The following KANSL3 variants were observed in gnomAD, a reference collection of about 807,000 sequenced individuals.
The protein encoded by KANSL3 is KAT8 regulatory NSL complex subunit 3.
In KANSL3, 16 loss-of-function variants were observed where a neutral mutation model predicts 89.2. The observed-to-expected ratio is 0.18, with a 90% CI of 0.12 to 0.27. The LOEUF is 0.27. Among genes scored for constraint, KANSL3 ranks in the 10% least tolerant of loss-of-function variants. The pLI is 1.00. For missense variants in KANSL3, 879 were observed against 1,110.6 expected (o/e 0.79, Z 2.96); for synonymous variants, 385 against 419.7 (o/e 0.92, Z 1.01).
chr2:96,625,945 C>G (rs534650603), intron 3 of KANSL3, among the ~76,000 whole-genome samples: 20 of 152,136 alleles, frequency 1.3e-4, no homozygotes, highest in African/African-American at 4.8e-4. Context: ...CTGTGGTGAG[C>G]CAACTGGCAC....
chr2:96,592,915 A>T (rs1007588394), downstream of KANSL3, among the ~76,000 whole-genome samples: 2 of 152,066 alleles, frequency 1.3e-5, no homozygotes, highest in African/African-American at 4.8e-5. Context: ...AGGCAGGAGA[A>T]TTGCTTGAAC....
intron 3 of KANSL3, among the ~76,000 whole-genome samples, chr2:96,624,426 T>A (rs1486359999): frequency 3.3e-5 from 5 of 152,316 alleles, no homozygotes; most frequent in African/African-American, 1.2e-4. Context: ...TTTGTGGACA[T>A]TTAGGTTGTG....
intron 16 of KANSL3, 43 bp downstream of exon 16, chr2:96,604,736 A>G (rs1432905510): frequency 8.1e-6 from 12 of 1,488,504 alleles, no homozygotes; most frequent in Non-Finnish European, 1.1e-5. Flanking sequence ...AACAGAGGGA[A>G]GGGAAAAAAG....
Position 96,619,253 on chromosome 2 carries a change from T to C in KANSL3, c.663+106A>G, listed in dbSNP as rs1226145336. The C allele has an allele frequency of 6.8e-6, 7 of 1,033,296 alleles. No homozygotes were observed. The South Asian group carries it at 1.2e-4, about 18-fold the overall frequency. 64.0% of individuals were successfully genotyped at this position (1,033,296 alleles called of 1,614,324 possible). A position where few individuals can be genotyped will look rare whatever the true frequency, so the allele number is the denominator to read the frequency against. ...GTACCAAACCCATTAGTTTTGGCCATGCACTCCAGACCGACCAGATAATTA... is the reference window on the plus strand; with the variant it reads ...GTACCAAACCCATTAGTTTTGGCCACGCACTCCAGACCGACCAGATAATTA... On this transcript the variant is annotated intron_variant, in intron 5 of 20. Coordinates refer to ENST00000431828, the MANE Select transcript of KANSL3 (RefSeq NM_001115016.3).
intron 11 of KANSL3, 102 bp from the exon 12 acceptor site, chr2:96,609,664 CAGA>C: frequency 2.7e-6 from 3 of 1,126,344 alleles, no homozygotes; most frequent in Admixed American, 3.4e-5. Context: ...TTTCTAGCCC[CAGA>C]AGGAGGGCCA....
At chr2:96,581,559 G>C in the KANSL3 span, among the ~76,000 whole-genome samples, 1 of 151,954 alleles carries the variant, frequency 6.6e-6, no homozygotes, top group African/African-American at 2.4e-5. Flanking sequence ...GCTTCAACAT[G>C]CTGCTTTTTA....
intron 19 of KANSL3, 90 bp from the exon 20 acceptor site, chr2:96,601,866 T>A: frequency 6.8e-7 from 1 of 1,461,188 alleles, no homozygotes; most frequent in African/African-American, 1.4e-5. Flanking sequence ...CTCCCCCACA[T>A]AACACAGTCC....
intron 18 of KANSL3, 124 bp downstream of exon 18, chr2:96,602,629 T>C (rs1041733815): frequency 1.3e-6 from 1 of 757,848 alleles, no homozygotes; most frequent in East Asian, 2.6e-5. Flanking sequence ...TTCCCTGCTA[T>C]GTAGCTAGAA....
Position 96,604,361 on chromosome 2 carries a change from C to T in KANSL3, c.2038G>A (p.Gly680Arg), listed in dbSNP as rs2067646192. ...TTAKSSSSEG[G>R]VSASPVPSVV... Reference sequence around the variant, plus strand: ...GAAGGGACTGGGCTGGCTGAGACTCCACCTTCAGAAGAACTGGACCTGGAG... The same window carrying T: ...GAAGGGACTGGGCTGGCTGAGACTCTACCTTCAGAAGAACTGGACCTGGAG... Residue 680 changes from glycine to arginine, a missense_variant, in exon 17 of 21, where the codon GGA becomes AGA. Transcript: ENST00000431828. The T allele has an allele frequency of 1.9e-6, 3 of 1,612,108 alleles. No individual in the cohort carries two copies. Among genetic ancestry groups the T allele is most frequent in the Admixed American group, 3.3e-5 (2 of 59,986 alleles).
downstream of KANSL3, among the ~76,000 whole-genome samples, chr2:96,591,717 G>T (rs1487467229): frequency 6.6e-6 from 1 of 152,154 alleles, no homozygotes; most frequent in African/African-American, 2.4e-5. Context: ...AAGTGAGAGT[G>T]AGCCAATCAG....
the KANSL3 span, among the ~76,000 whole-genome samples, chr2:96,586,867 C>A: frequency 3.3e-5 from 5 of 152,212 alleles, no homozygotes; most frequent in African/African-American, 9.7e-5. Flanking sequence ...TTAATTAATT[C>A]TTTAGCCATA....
chr2:96,623,589 G>A (rs1179620596), intron 3 of KANSL3, among the ~76,000 whole-genome samples: 1 of 152,110 alleles, frequency 6.6e-6, no homozygotes, highest in Non-Finnish European at 1.5e-5. Flanking sequence ...TTTTCCTTCT[G>A]TAAAATAAAA....
chr2:96,615,310 T>C (rs2105629431), intron 5 of KANSL3, among the ~76,000 whole-genome samples: 1 of 152,296 alleles, frequency 6.6e-6, no homozygotes, highest in Non-Finnish European at 1.5e-5. Context: ...TAAATCTCCA[T>C]TTTCTTCTAG....
At chr2:96,617,632 G>C (rs952846417) in intron 5 of KANSL3, among the ~76,000 whole-genome samples, 37 of 151,874 alleles carry the variant, frequency 2.4e-4, no homozygotes, top group Admixed American at 1.8e-3. Flanking sequence ...AGGACAAGAT[G>C]GGAGGACTGC....
At chr2:96,610,055 T>C (rs928681034) in intron 11 of KANSL3, among the ~76,000 whole-genome samples, 3 of 131,552 alleles carry the variant, frequency 2.3e-5, no homozygotes, top group Non-Finnish European at 4.7e-5. Context: ...GGCAACTAAA[T>C]CCAAGTGTGA....
In KANSL3 at chr2:96,612,899, G is replaced by A. The variant is rs774378778; in HGVS notation, c.831C>T (p.Ala277=). The part of the protein sequence containing the change: ...KLPGSPLILI[A]SSGPSSSVFP... ...ACACAGAGCTGGAGGGACCAGAGGA[G>A]GCGATGAGAATCAGCGGAGAGCCAG... Residue 277 remains alanine (A), a synonymous_variant, in exon 7 of 21, where the codon GCC becomes GCT. Transcript: ENST00000431828. 1 of 1,569,262 alleles carries A rather than the reference G, an allele frequency of 6.4e-7. No individual in the cohort carries two copies. Among genetic ancestry groups the A allele is most frequent in the Non-Finnish European group, 8.6e-7 (1 of 1,157,196 alleles).
At chr2:96,589,684 C>T (rs2066260591), downstream of KANSL3, among the ~76,000 whole-genome samples, 2 of 152,062 alleles carry the variant, frequency 1.3e-5, no homozygotes, top group Non-Finnish European at 2.9e-5. Context: ...CTGACAACAC[C>T]ATCAGCCAAC....
At chr2:96,615,963 G>A (rs1479530505) in intron 5 of KANSL3, among the ~76,000 whole-genome samples, 1 of 152,214 alleles carries the variant, frequency 6.6e-6, no homozygotes, top group Non-Finnish European at 1.5e-5. Flanking sequence ...AAGAAGTTAA[G>A]AGGCAATTTT....
intron 3 of KANSL3, among the ~76,000 whole-genome samples, chr2:96,627,584 C>A (rs1318094759): frequency 6.6e-6 from 1 of 152,168 alleles, no homozygotes; most frequent in Non-Finnish European, 1.5e-5. Flanking sequence ...AAGCTCTTAA[C>A]AAGGAAATTA....
Sources: gnomAD v4.1 joint callset for allele counts (sites outside exome capture counted in the v4.1 genomes callset) on GRCh38, gnomAD v4.1.1 for gene constraint, MANE v1.5 for transcripts, NCBI Gene and HGNC (gene_info 2026-07-23, HGNC 2026-07-21) for gene names.